The following TP53BP2 variants were observed in gnomAD, a reference collection of about 807,000 sequenced individuals.
The protein encoded by TP53BP2 is tumor protein p53 binding protein 2.
A neutral mutation model predicts 126.2 loss-of-function variants in TP53BP2; 62 were observed. The ratio of observed to expected loss-of-function variants is 0.49; its 90% CI spans 0.40 to 0.61. TP53BP2 has a LOEUF of 0.61. TP53BP2 is among the 20% of genes least tolerant of loss of function. TP53BP2 has a pLI of 0.00. For missense variants in TP53BP2, 1,215 were observed against 1,402.8 expected, an observed-to-expected ratio of 0.87 and a Z score of 2.14; for synonymous variants, 485 against 502.9, an observed-to-expected ratio of 0.96 and a Z score of 0.48.
chr1:223,798,728 C>A, intron 11 of TP53BP2, 51 bp from the exon 12 acceptor site: 1 of 1,403,916 alleles, frequency 7.1e-7, no homozygotes. Flanking sequence ...ACTGGGTACA[C>A]AGGATGTTCT....
intron 2 of TP53BP2, 173 bp downstream of exon 2, chr1:223,821,047 A>C: frequency 1.3e-6 from 1 of 779,916 alleles, no homozygotes; most frequent in South Asian, 1.9e-5. Context: ...AAGAAAACCG[A>C]AAAAGACTTC....
Position 223,798,367 on chromosome 1 carries a change from G to C in TP53BP2, c.1796C>G (p.Thr599Ser), listed in dbSNP as rs1200351268. Reference protein sequence around the residue: ...RPFTPQPSKDTLLPPFRKPQT... With the variant: ...RPFTPQPSKDSLLPPFRKPQT... ...GGGTTTTCTGAAGGGTGGAAGTAAG[G>C]TGTCTTTGGAAGGCTGGGGAGTAAA... Residue 599 changes from threonine (T) to serine (S), a missense_variant, in exon 12 of 18, where the codon ACC (threonine) becomes AGC (serine). This residue lies in a region of TP53BP2 where 814 missense variants were observed against 853.0 expected (regional missense o/e 0.95). Transcript: ENST00000343537. 2 of 1,614,050 alleles carry C rather than the reference G, an allele frequency of 1.2e-6. No homozygotes were observed. The highest frequency in any genetic ancestry group is 1.3e-5 in the African/African-American group (1 of 74,924).
At chr1:223,802,042 GA>G in intron 9 of TP53BP2, 73 bp downstream of exon 9, 3 of 1,400,272 alleles carry the variant, frequency 2.1e-6, no homozygotes, top group Non-Finnish European at 3.0e-6. Context: ...TACAAAGAGA[GA>G]TTTTTTTTAA....
In TP53BP2 at chr1:223,810,421, A is replaced by G; in HGVS notation, c.372+10T>C. On this transcript the variant is annotated intron_variant, in intron 4 of 17. Transcript: ENST00000343537. The stretch of plus-strand genomic sequence containing the variant: ...TGGTATATACAGTATGGATAAAAAC[A>G]ACAACTTACACCGTTCTCCTTTCTT... 2 of 1,598,380 alleles carry G rather than the reference A, an allele frequency of 1.3e-6. No homozygotes were observed. Among genetic ancestry groups the G allele is most frequent in the Non-Finnish European group, 1.7e-6 (2 of 1,171,234 alleles).
intron 9 of TP53BP2, 135 bp downstream of exon 9, chr1:223,801,981 C>T (rs924088990): frequency 9.1e-6 from 8 of 874,814 alleles, no homozygotes; most frequent in Admixed American, 6.0e-5. Context: ...CGTCTCATTA[C>T]ACCAGCAAAG....
chr1:223,808,861 A>C (rs1662816195), intron 4 of TP53BP2, among the ~76,000 whole-genome samples: 1 of 152,178 alleles, frequency 6.6e-6, no homozygotes. Context: ...AGCACATGAA[A>C]AGATGTCCAA....
intron 15 of TP53BP2, 149 bp from the exon 16 acceptor site, chr1:223,789,323 C>A: frequency 1.2e-6 from 1 of 841,836 alleles, no homozygotes. Context: ...ACCAGTTCAA[C>A]ACAGATGATT....
chr1:223,798,124 T>C, intron 12 of TP53BP2, 91 bp downstream of exon 12: 1 of 1,253,728 alleles, frequency 8.0e-7, no homozygotes, highest in Admixed American at 2.2e-5. Flanking sequence ...TCAGTCAAAA[T>C]AGGGATTAGT....
Position 223,803,322 on chromosome 1 carries a change from A to AT in TP53BP2, c.779dup (p.His260GlnfsTer2). ...GCTCAGCCACTGCAGACTGATTGTC[A>AT]TGGTGGCTGTCGATCCTGCCGTTCT... is the stretch of plus-strand genomic sequence containing the variant. On this transcript the variant is annotated frameshift_variant, in exon 7 of 18. Transcript: ENST00000343537. LOFTEE classifies it high-confidence loss of function. 3 of 1,613,630 alleles carry AT rather than the reference A, an allele frequency of 1.9e-6. No homozygotes were observed. The highest frequency in any genetic ancestry group is 2.5e-6 in the Non-Finnish European group (3 of 1,179,844).
chr1:223,790,000 T>G (rs571854239), intron 15 of TP53BP2, among the ~76,000 whole-genome samples: 39 of 152,122 alleles, frequency 2.6e-4, no homozygotes, highest in African/African-American at 8.9e-4. Flanking sequence ...AAAAAAAATT[T>G]AGACCAGGCG....
chr1:223,834,739 T>C (rs1663863343), intron 1 of TP53BP2: 1 of 812,556 alleles, frequency 1.2e-6, no homozygotes, highest in Non-Finnish European at 1.5e-6. Flanking sequence ...ATTCCTACTC[T>C]GTCCTGTAGT....
At chr1:223,823,862 T>G (rs1380078047) in intron 1 of TP53BP2, among the ~76,000 whole-genome samples, 2 of 152,210 alleles carry the variant, frequency 1.3e-5, no homozygotes, top group African/African-American at 4.8e-5. Flanking sequence ...AATAGTAACT[T>G]TTCATTGTAA....
intron 10 of TP53BP2, 81 bp from the exon 11 acceptor site, chr1:223,800,128 A>T (rs1402437095): frequency 7.2e-7 from 1 of 1,387,938 alleles, no homozygotes; most frequent in African/African-American, 1.4e-5. Context: ...TCTCCCCTAA[A>T]TCTCCCTGAA....
intron 1 of TP53BP2, among the ~76,000 whole-genome samples, chr1:223,821,980 C>T (rs761998160): frequency 6.6e-6 from 1 of 151,942 alleles, no homozygotes; most frequent in Non-Finnish European, 1.5e-5. Context: ...CAACATCCGC[C>T]TCCCGAGTTC....
At chr1:223,786,583 T>C (rs1048255989) in intron 16 of TP53BP2, among the ~76,000 whole-genome samples, 46 of 143,040 alleles carry the variant, frequency 3.2e-4, no homozygotes, top group Middle Eastern at 3.6e-3. Flanking sequence ...CGTGTGTGCG[T>C]GTGTGTGTGT....
chr1:223,806,519 C>T (rs920249249), intron 5 of TP53BP2, among the ~76,000 whole-genome samples: 1 of 152,074 alleles, frequency 6.6e-6, no homozygotes, highest in East Asian at 1.9e-4. Context: ...GGCCTGTTAG[C>T]TCTTTTAAAA....
intron 17 of TP53BP2, among the ~76,000 whole-genome samples, chr1:223,782,826 G>A (rs1366756722): frequency 6.6e-6 from 1 of 152,178 alleles, no homozygotes; most frequent in African/African-American, 2.4e-5. Flanking sequence ...TTAAAGTTAC[G>A]TTATGATCAC....
At chr1:223,836,233 G>A (rs934528169) in intron 1 of TP53BP2, among the ~76,000 whole-genome samples, 2 of 152,200 alleles carry the variant, frequency 1.3e-5, no homozygotes, top group Non-Finnish European at 2.9e-5. Context: ...CCGATGGAGC[G>A]GAGCACGTCA....
intron 13 of TP53BP2, among the ~76,000 whole-genome samples, chr1:223,794,642 G>A (rs1662258366): frequency 6.6e-6 from 1 of 152,178 alleles, no homozygotes; most frequent in South Asian, 2.1e-4. Context: ...AATAACAAGT[G>A]GCTGTAACGT....
Sources: gnomAD v4.1 joint callset for allele counts (sites outside exome capture counted in the v4.1 genomes callset) on GRCh38, gnomAD v4.1.1 for gene constraint, gnomAD v4.1.1 regional missense constraint, MANE v1.5 for transcripts, NCBI Gene and HGNC (gene_info 2026-07-23, HGNC 2026-07-21) for gene names.